The following HELLS variants were observed in gnomAD, a reference collection of about 807,000 sequenced individuals.
HELLS encodes the protein helicase, lymphoid specific.
In HELLS, 32 loss-of-function variants were observed where a neutral mutation model predicts 120.0. That is an observed-to-expected ratio of 0.27 (90% CI 0.20 to 0.36). The LOEUF (loss-of-function observed/expected upper bound fraction) is 0.36, where lower values mean the gene tolerates loss of function less well. Among genes scored for constraint, HELLS ranks in the 10% least tolerant of loss-of-function variants. HELLS has a pLI of 1.00. For missense variants in HELLS, 650 were observed against 993.4 expected (o/e 0.65, Z 4.65); for synonymous variants, 341 against 323.4 (o/e 1.05, Z -0.58).
chr10:94,565,900 A>T (rs1564587723), intron 6 of HELLS, among the ~76,000 whole-genome samples: 1 of 148,152 alleles, frequency 6.7e-6, no homozygotes, highest in Admixed American at 6.7e-5. Context: ...ATGAAATTGA[A>T]TTTTTTTTTT....
At chr10:94,555,556 C>G (rs1015346530) in intron 3 of HELLS, among the ~76,000 whole-genome samples, 3 of 152,210 alleles carry the variant, frequency 2.0e-5, no homozygotes, top group Non-Finnish European at 2.9e-5. Context: ...GGAAGCTCTG[C>G]GCTTCTTTCT....
At chr10:94,564,687 C>T (rs1358592746) in intron 6 of HELLS, among the ~76,000 whole-genome samples, 4 of 152,074 alleles carry the variant, frequency 2.6e-5, no homozygotes, top group African/African-American at 9.7e-5. Flanking sequence ...TCTCGGCTCA[C>T]TGCTACAAGC....
At position 94,581,332 on chromosome 10, in the gene HELLS, T is replaced by G; in HGVS notation, c.1039T>G (p.Tyr347Asp). Reference sequence around the variant, plus strand: ...TCCTCAATTCGTTTTCTAGCATTGCTATTGGAAATACTTAATAGTAGATGA... The same window carrying G: ...TCCTCAATTCGTTTTCTAGCATTGCGATTGGAAATACTTAATAGTAGATGA... Reference protein sequence around the residue: ...MRDRNALQHCYWKYLIVDEGH... With the variant: ...MRDRNALQHCDWKYLIVDEGH... Residue 347 changes from tyrosine (Y) to aspartate (D), a missense_variant, in exon 11 of 22, where the codon TAT becomes GAT. By Grantham distance (160) the Tyr-to-Asp change is radical. This residue lies in a region of HELLS where 61 missense variants were observed against 86.5 expected (regional missense o/e 0.71). Transcript: ENST00000348459. 2.6e-6 allele frequency: 4 copies of G among 1,535,318 alleles called. No homozygotes were observed. The highest frequency in any genetic ancestry group is 1.4e-5 in the African/African-American group (1 of 72,196).
intron 2 of HELLS, 65 bp from the exon 3 acceptor site, chr10:94,554,061 T>C (rs1394198323): frequency 1.4e-6 from 2 of 1,441,170 alleles, no homozygotes; most frequent in African/African-American, 1.5e-5. Context: ...TATTAAACTT[T>C]ATGCCAAAAA....
At position 94,608,777 on chromosome 10, in the gene HELLS, C is replaced by G. The variant is rs536427866; in HGVS notation, c.*1+751C>G. Among the ~76,000 whole-genome samples the G allele has an allele frequency of 2.0e-5, 3 of 152,060 alleles. No homozygotes were observed. In the East Asian group the frequency reaches 5.8e-4, roughly 29 times the overall value. ...GGACTGCAAACGTGTGCCAGTACTC[C>G]TGGCTAATTTTTAAATTTTTTTGTA... On this transcript the variant is annotated intron_variant, in intron 9 of 9. Coordinates refer to the HELLS transcript ENST00000371327.
intron 10 of HELLS, among the ~76,000 whole-genome samples, chr10:94,578,094 A>G (rs1244167929): frequency 6.6e-6 from 1 of 151,156 alleles, no homozygotes; most frequent in African/African-American, 2.4e-5. Flanking sequence ...AAAAAAAAAA[A>G]AAATACAAAA....
downstream of HELLS, among the ~76,000 whole-genome samples, chr10:94,606,260 A>G (rs1359495600): frequency 3.3e-5 from 5 of 151,768 alleles, no homozygotes; most frequent in Non-Finnish European, 2.9e-5. Flanking sequence ...TCAGTCTGAA[A>G]ATCTGTCTTT....
intron 3 of HELLS, among the ~76,000 whole-genome samples, chr10:94,555,539 A>G (rs1049539874): frequency 6.6e-6 from 1 of 152,230 alleles, no homozygotes; most frequent in Admixed American, 6.5e-5. Flanking sequence ...GCATCCAGAA[A>G]AGGCATGGAA....
intron 6 of HELLS, among the ~76,000 whole-genome samples, chr10:94,568,455 A>T (rs1176567036): frequency 6.6e-6 from 1 of 152,070 alleles, no homozygotes; most frequent in Non-Finnish European, 1.5e-5. Flanking sequence ...GAATTTCCTT[A>T]TATATCTAGA....
chr10:94,592,754 A>C (rs757049875), intron 17 of HELLS, among the ~76,000 whole-genome samples: 1 of 152,058 alleles, frequency 6.6e-6, no homozygotes, highest in Non-Finnish European at 1.5e-5. Context: ...CCATCACTGT[A>C]AGAATATTGG....
At chr10:94,607,429 A>G (rs1846140615) in intron 8 of HELLS, among the ~76,000 whole-genome samples, 1 of 152,202 alleles carries the variant, frequency 6.6e-6, no homozygotes, top group South Asian at 2.1e-4. Flanking sequence ...TTAGTAAGGG[A>G]CAGAGGGGAA....
At chr10:94,610,316 C>T (rs936902491) in exon 10 of HELLS, 3 of 151,822 alleles carry the variant, frequency 2.0e-5, no homozygotes, top group South Asian at 2.1e-4. Context: ...TAAATGAGGC[C>T]GGGCGCAGTG....
At position 94,545,955 on chromosome 10, in the gene HELLS, G is replaced by A. The variant is rs1842731074; in HGVS notation, c.31+3G>A. 3.2e-6 allele frequency: 5 copies of A among 1,556,142 alleles called. No homozygotes were observed. In the South Asian group the frequency reaches 5.9e-5, roughly 18 times the overall value. On this transcript the variant is annotated splice_donor_region_variant and intron_variant, in intron 1 of 21. Coordinates refer to ENST00000348459, the MANE Select transcript of HELLS (RefSeq NM_018063.5). The stretch of plus-strand genomic sequence containing the variant: ...GGAACGGCCCGCGGGCAGCGGCGGT[G>A]AGTGAGGAAAACCTTTTGGGCGCGG...
chr10:94,555,835 G>A (rs1843233798), intron 3 of HELLS, among the ~76,000 whole-genome samples: 1 of 152,052 alleles, frequency 6.6e-6, no homozygotes, highest in African/African-American at 2.4e-5. Context: ...CCATGTTGCC[G>A]AGGCTTGTCT....
Position 94,577,171 on chromosome 10 carries a change from G to C in HELLS, c.1032+366G>C, listed in dbSNP as rs191958957. 1.0e-3 allele frequency: 381 copies of C among 378,310 alleles called. 6 individuals are homozygous for C. The East Asian group carries it at 0.026, about 26-fold the overall frequency. 23.4% of individuals were successfully genotyped at this position (378,310 alleles called of 1,614,324 possible). The stretch of plus-strand genomic sequence containing the variant: ...TATTTGAAGACAAGTTATTTTTAGA[G>C]TATCTTATTGGACTATTTGGTAGCA... On this transcript the variant is annotated intron_variant, in intron 10 of 21. Transcript: ENST00000348459.
At chr10:94,559,471 A>G (rs1346677314) in intron 4 of HELLS, among the ~76,000 whole-genome samples, 1 of 151,300 alleles carries the variant, frequency 6.6e-6, no homozygotes, top group East Asian at 1.9e-4. Context: ...TTTGAGACAG[A>G]GTCTTGCTCT....
chr10:94,565,581 T>A (rs567901947), intron 6 of HELLS, among the ~76,000 whole-genome samples: 1 of 151,856 alleles, frequency 6.6e-6, no homozygotes, highest in South Asian at 2.1e-4. Flanking sequence ...TCCAGCTACT[T>A]GGGCAGGCTG....
intron 21 of HELLS, 61 bp from the exon 22 acceptor site, chr10:94,601,467 C>T (rs1419020198): frequency 4.7e-5 from 43 of 919,192 alleles, no homozygotes. Flanking sequence ...TTGGATGTTT[C>T]TTTTACGATT....
chr10:94,583,039 G>T lies in HELLS; in HGVS notation c.1306G>T (p.Val436Leu). 6.3e-7 allele frequency: 1 copy of T among 1,596,168 alleles called. No individual in the cohort carries two copies. Among genetic ancestry groups the T allele is most frequent in the Non-Finnish European group, 8.6e-7 (1 of 1,168,730 alleles). The part of the protein sequence containing the change: ...DIIAKEREQN[V>L]LHMLHQILTP... ...TATTGCTAAAGAAAGAGAACAGAATGTATTGCATATGCTGCACCAGGTTTT... is the reference window on the plus strand; with the variant it reads ...TATTGCTAAAGAAAGAGAACAGAATTTATTGCATATGCTGCACCAGGTTTT... The change falls in exon 12 of 22, where the codon GTA (valine) becomes TTA (leucine). Residue 436 changes from valine (V) to leucine (L), a missense_variant. Around this residue, in one of 9 missense-constraint regions of HELLS, gnomAD observed 48 missense variants for 127.0 expected, o/e 0.38. Transcript: ENST00000348459.
Sources: allele counts gnomAD v4.1 joint callset (sites outside exome capture counted in the v4.1 genomes callset), GRCh38; gene constraint gnomAD v4.1.1; regional missense constraint gnomAD v4.1.1; transcripts MANE v1.5; gene names NCBI Gene and HGNC (gene_info 2026-07-23, HGNC 2026-07-21).